The following HERC2 variants were observed in gnomAD, a reference collection of about 807,000 sequenced individuals.
The protein encoded by HERC2 is E3 ubiquitin-protein ligase HERC2.
A neutral mutation model predicts 537.7 loss-of-function variants in HERC2; 102 were observed. The ratio of observed to expected loss-of-function variants is 0.19; its 90% CI spans 0.16 to 0.22. The LOEUF is 0.22. HERC2 is among the 10% of genes least tolerant of loss of function. HERC2 has a pLI of 1.00. For missense variants in HERC2, 4,236 were observed against 6,198.2 expected, an observed-to-expected ratio of 0.68 and a Z score of 10.63; for synonymous variants, 2,224 against 2,466.2, an observed-to-expected ratio of 0.90 and a Z score of 2.91.
At chr15:28,254,286 C>G in intron 20 of HERC2, 54 bp downstream of exon 20, 1 of 1,326,100 alleles carries the variant, frequency 7.5e-7, no homozygotes, top group Admixed American at 2.4e-5. Flanking sequence ...CTGTCACACA[C>G]ACAAAAAAAA....
intron 35 of HERC2, among the ~76,000 whole-genome samples, chr15:28,224,006 A>C (rs1341981776): frequency 6.6e-6 from 1 of 152,130 alleles, no homozygotes. Context: ...TTTTAAATGC[A>C]ACTTTTGGTT....
At chr15:28,308,203 TC>T (rs1171117001) in intron 2 of HERC2, among the ~76,000 whole-genome samples, 4 of 152,220 alleles carry the variant, frequency 2.6e-5, no homozygotes, top group Admixed American at 1.3e-4. Context: ...TATTTTTCCA[TC>T]TTTTGTGTCT....
Position 28,125,083 on chromosome 15 carries a change from G to T in HERC2, c.12913C>A (p.Arg4305Ser). The T allele has an allele frequency of 6.2e-7, 1 of 1,614,034 alleles. No individual in the cohort carries two copies. The highest frequency in any genetic ancestry group is 1.1e-5 in the South Asian group (1 of 91,080). The change falls in exon 84 of 93, where the codon CGT becomes AGT. Residue 4305 changes from arginine to serine, a missense_variant. Around this residue, in one of 27 missense-constraint regions of HERC2, gnomAD observed 189 missense variants for 255.7 expected, o/e 0.74. Coordinates refer to ENST00000261609, the MANE Select transcript of HERC2 (RefSeq NM_004667.6). ...VAALQGKKVN[R>S]VACGSAHTLA... ...GTATGTGCTGAGCCACAGGCCACAC[G>T]GTTGACCTTCTTACCCTGAAGGGCA...
At chr15:28,254,070 G>A (rs944500406) in intron 20 of HERC2, among the ~76,000 whole-genome samples, 10 of 152,118 alleles carry the variant, frequency 6.6e-5, no homozygotes, top group Admixed American at 2.0e-4. Flanking sequence ...GATCACCTGA[G>A]GTCAGGAGTT....
chr15:28,313,425 C>G (rs183882194), intron 2 of HERC2, among the ~76,000 whole-genome samples: 1 of 152,018 alleles, frequency 6.6e-6, no homozygotes, highest in Non-Finnish European at 1.5e-5. Flanking sequence ...GTGATCCACC[C>G]GCCTCGGCCT....
chr15:28,189,233 G>T (rs1170281455), intron 55 of HERC2, among the ~76,000 whole-genome samples: 2 of 152,194 alleles, frequency 1.3e-5, no homozygotes, highest in Non-Finnish European at 2.9e-5. Context: ...CCATTTACCT[G>T]CAATGCTTCG....
chr15:28,273,935 A>C (rs904480150), intron 7 of HERC2, among the ~76,000 whole-genome samples: 5 of 152,182 alleles, frequency 3.3e-5, no homozygotes, highest in African/African-American at 1.2e-4. Flanking sequence ...CACATTATCT[A>C]TAAGACTTCA....
intron 85 of HERC2, among the ~76,000 whole-genome samples, chr15:28,121,732 G>T (rs1189191354): frequency 6.6e-6 from 1 of 152,220 alleles, no homozygotes; most frequent in Non-Finnish European, 1.5e-5. Flanking sequence ...GCACAGAACA[G>T]GGAGGGCTGG....
chr15:28,205,009 AT>A (rs1248644056), intron 45 of HERC2, among the ~76,000 whole-genome samples: 1 of 151,672 alleles, frequency 6.6e-6, no homozygotes, highest in Non-Finnish European at 1.5e-5. Context: ...GCTTCAGCAA[AT>A]TTCAAGGAGG....
At chr15:28,255,009 T>C (rs1183502178) in intron 19 of HERC2, among the ~76,000 whole-genome samples, 1 of 152,224 alleles carries the variant, frequency 6.6e-6, no homozygotes, top group East Asian at 1.9e-4. Flanking sequence ...AAAGTACTTG[T>C]ACACAGCACA....
chr15:28,252,396 T>C (rs756540286), intron 20 of HERC2, among the ~76,000 whole-genome samples: 1 of 151,938 alleles, frequency 6.6e-6, no homozygotes. Context: ...AAGACACCAA[T>C]AGCCCATGAA....
intron 37 of HERC2, among the ~76,000 whole-genome samples, chr15:28,219,532 C>T (rs1335951917): frequency 6.6e-6 from 1 of 152,220 alleles, no homozygotes; most frequent in Non-Finnish European, 1.5e-5. Flanking sequence ...CAGGCCTACG[C>T]AGTAGGGAAC....
chr15:28,246,512 A>G (rs964709996), intron 22 of HERC2, among the ~76,000 whole-genome samples: 1 of 152,064 alleles, frequency 6.6e-6, no homozygotes, highest in African/African-American at 2.4e-5. Context: ...AATGTCAATA[A>G]TGGAAGTATA....
chr15:28,292,962 T>C lies in HERC2; in HGVS notation c.248A>G (p.Asp83Gly). 1.9e-6 allele frequency: 3 copies of C among 1,611,362 alleles called. No homozygotes were observed. Among genetic ancestry groups the C allele is most frequent in the Non-Finnish European group, 2.5e-6 (3 of 1,179,450 alleles). ...TATAGGTGCAGGAGTTTCTTCTTCA[T>C]CTTTTTTCTCTTTGTCATTCAGATC... is the stretch of plus-strand genomic sequence containing the variant. ...KEDLNDKEKK[D>G]EEETPAPIYR... The change falls in exon 4 of 93, where the codon GAT (aspartate) becomes GGT (glycine). Residue 83 changes from aspartate (D) to glycine (G), a missense_variant. By Grantham distance (94) the Asp-to-Gly change is moderately conservative (BLOSUM62 -1). Transcript: ENST00000261609.
chr15:28,197,414 C>G (rs190248824), intron 50 of HERC2, among the ~76,000 whole-genome samples: 1 of 152,174 alleles, frequency 6.6e-6, no homozygotes, highest in Non-Finnish European at 1.5e-5. Context: ...TAATTCCCAT[C>G]ATTAGCACAT....
chr15:28,248,715 T>C lies in HERC2; in HGVS notation c.3072A>G (p.Val1024=), dbSNP rs1903965041. The part of the protein sequence containing the change: ...QLLRNIASQT[V]ARLKDVARRI... ...GACGGGCAACATCTTTCAATCTGGCTACAGTCTGAGAAGCAATGTTTCTAT... is the reference window on the plus strand; with the variant it reads ...GACGGGCAACATCTTTCAATCTGGCCACAGTCTGAGAAGCAATGTTTCTAT... Residue 1024 remains valine, a synonymous_variant, in exon 21 of 93, where the codon GTA becomes GTG. Coordinates refer to ENST00000261609, the MANE Select transcript of HERC2 (RefSeq NM_004667.6). 6.2e-7 allele frequency: 1 copy of C among 1,613,896 alleles called. No homozygotes were observed. The highest frequency in any genetic ancestry group is 8.5e-7 in the Non-Finnish European group (1 of 1,179,780).
At chr15:28,279,061 C>T (rs942045032) in intron 5 of HERC2, among the ~76,000 whole-genome samples, 1 of 152,098 alleles carries the variant, frequency 6.6e-6, no homozygotes, top group Non-Finnish European at 1.5e-5. Flanking sequence ...GCACAATCTC[C>T]GCTCACCGCA....
At chr15:28,169,029 G>C (rs373434837) in intron 66 of HERC2, among the ~76,000 whole-genome samples, 16 of 152,300 alleles carry the variant, frequency 1.1e-4, no homozygotes, top group African/African-American at 3.8e-4. Context: ...CCTATGTAAG[G>C]ACACCTGTCA....
At chr15:28,260,344 C>T (rs192977767) in intron 16 of HERC2, among the ~76,000 whole-genome samples, 64 of 152,226 alleles carry the variant, frequency 4.2e-4, no homozygotes, top group African/African-American at 8.2e-4. Flanking sequence ...GCTTCTAAAA[C>T]GGGGAATTAA....
Sources: gnomAD v4.1 joint callset for allele counts (sites outside exome capture counted in the v4.1 genomes callset) on GRCh38, gnomAD v4.1.1 for gene constraint, gnomAD v4.1.1 regional missense constraint, MANE v1.5 for transcripts, NCBI Gene and HGNC (gene_info 2026-07-23, HGNC 2026-07-21) for gene names.